ARID1B: variants seen among roughly 807,000 people sequenced by gnomAD.
ARID1B encodes the protein AT-rich interactive domain-containing protein 1B.
In ARID1B, 30 loss-of-function variants were observed where a neutral mutation model predicts 212.3. That is an observed-to-expected ratio of 0.14 (90% CI 0.11 to 0.19). ARID1B has a LOEUF of 0.19. Among genes scored for constraint, ARID1B ranks in the 10% least tolerant of loss-of-function variants. ARID1B has a pLI of 1.00. For synonymous variants in ARID1B, 1,402 were observed against 1,301.7 expected, an observed-to-expected ratio of 1.08 and a Z score of -1.66; for missense variants, 2,891 against 3,204.0, an observed-to-expected ratio of 0.90 and a Z score of 2.36.
chr6:156,962,259 A>G (rs1216485626), intron 4 of ARID1B, among the ~76,000 whole-genome samples: 2 of 152,296 alleles, frequency 1.3e-5, no homozygotes, highest in East Asian at 1.9e-4. Context: ...AGATCACGCC[A>G]CTGCACTCCA....
intron 4 of ARID1B, among the ~76,000 whole-genome samples, chr6:157,062,877 G>A (rs1257822966): frequency 2.0e-5 from 3 of 151,380 alleles, no homozygotes; most frequent in African/African-American, 7.3e-5. Flanking sequence ...CTAATTTTTT[G>A]TATTTTTAGT....
intron 3 of ARID1B, among the ~76,000 whole-genome samples, chr6:156,911,471 C>T (rs978902932): frequency 6.8e-6 from 1 of 148,138 alleles, no homozygotes; most frequent in African/African-American, 2.5e-5. Context: ...ATCTAGCATT[C>T]CTACCCTATA....
chr6:157,151,359 C>T (rs1486861728), intron 8 of ARID1B: 2 of 152,198 alleles, frequency 1.3e-5, no homozygotes, highest in Non-Finnish European at 2.9e-5. Context: ...TGCAGTTGAG[C>T]TGACAGGCTA....
At chr6:156,959,728 A>G (rs1794229851) in intron 4 of ARID1B, among the ~76,000 whole-genome samples, 1 of 152,146 alleles carries the variant, frequency 6.6e-6, no homozygotes, top group Admixed American at 6.5e-5. Context: ...ATATATGACC[A>G]GTTTTAAAAA....
intron 4 of ARID1B, among the ~76,000 whole-genome samples, chr6:156,976,607 A>G (rs1198330105): frequency 6.6e-6 from 1 of 152,058 alleles, no homozygotes; most frequent in Non-Finnish European, 1.5e-5. Flanking sequence ...AGCCCTAGTC[A>G]CCCGAGCCAG....
At chr6:156,913,217 CTTT>C (rs372967890) in intron 3 of ARID1B, among the ~76,000 whole-genome samples, 10 of 128,986 alleles carry the variant, frequency 7.8e-5, no homozygotes, top group African/African-American at 1.5e-4. Context: ...TTTTCTTTTT[CTTT>C]TTTTTTTTTT....
At chr6:156,952,161 G>T (rs1793635506) in intron 4 of ARID1B, among the ~76,000 whole-genome samples, 1 of 152,166 alleles carries the variant, frequency 6.6e-6, no homozygotes, top group Admixed American at 6.5e-5. Flanking sequence ...TTTGTTTTGA[G>T]GGATAGGTGT....
At chr6:157,048,634 CAG>C (rs2128549429) in intron 4 of ARID1B, among the ~76,000 whole-genome samples, 1 of 152,294 alleles carries the variant, frequency 6.6e-6, no homozygotes, top group South Asian at 2.1e-4. Flanking sequence ...CATTGTCTGA[CAG>C]AATTGTGGTT....
intron 3 of ARID1B, among the ~76,000 whole-genome samples, chr6:156,931,338 A>G (rs1243178531): frequency 6.6e-6 from 1 of 152,060 alleles, no homozygotes; most frequent in Non-Finnish European, 1.5e-5. Flanking sequence ...TTCATTTCCT[A>G]ATGAAAGAAA....
At chr6:156,899,275 CCCAAAGATTCTTTG>C (rs1452669938) in intron 2 of ARID1B, among the ~76,000 whole-genome samples, 1 of 152,154 alleles carries the variant, frequency 6.6e-6, no homozygotes, top group Non-Finnish European at 1.5e-5. Context: ...GTATTTCAAA[CCCAAAGATTCTTTG>C]GGTAAACTAG....
chr6:156,793,633 G>A (rs980096155), intron 1 of ARID1B, among the ~76,000 whole-genome samples: 1 of 152,160 alleles, frequency 6.6e-6, no homozygotes, highest in Admixed American at 6.5e-5. Context: ...CACTGGGCCC[G>A]GCCTTGCATG....
intron 5 of ARID1B, 151 bp from the exon 6 acceptor site, chr6:157,110,321 G>A: frequency 1.6e-6 from 1 of 618,812 alleles, no homozygotes; most frequent in Non-Finnish European, 2.9e-6. Context: ...GGGAAAAGAT[G>A]AACTATTACA....
chr6:156,952,477 C>T (rs367859436), intron 4 of ARID1B, among the ~76,000 whole-genome samples: 1 of 152,204 alleles, frequency 6.6e-6, no homozygotes, highest in South Asian at 2.1e-4. Flanking sequence ...GGTGGGGACA[C>T]TGAGGCTGGC....
intron 2 of ARID1B, among the ~76,000 whole-genome samples, chr6:156,853,866 A>T (rs1175566890): frequency 6.6e-6 from 1 of 152,082 alleles, no homozygotes; most frequent in African/African-American, 2.4e-5. Context: ...CCTCCTGAGG[A>T]GCTGGGACCA....
intron 5 of ARID1B, among the ~76,000 whole-genome samples, chr6:157,107,234 G>T (rs906434094): frequency 1.1e-4 from 16 of 152,278 alleles, no homozygotes; most frequent in African/African-American, 3.6e-4. Flanking sequence ...CTACCAGCTG[G>T]AGGAGGCTAA....
At chr6:157,174,317 T>C (rs1452662528) in intron 10 of ARID1B, 200 bp downstream of exon 10, 19 of 516,840 alleles carry the variant, frequency 3.7e-5, no homozygotes, top group Admixed American at 1.4e-4. Context: ...CTAGTTCTTA[T>C]GGCATTAACT....
intron 7 of ARID1B, among the ~76,000 whole-genome samples, chr6:157,138,093 T>C (rs1407198522): frequency 6.6e-6 from 1 of 152,204 alleles, no homozygotes; most frequent in Non-Finnish European, 1.5e-5. Context: ...AAGGTCTAGA[T>C]GTCAAGAGTT....
intron 4 of ARID1B, among the ~76,000 whole-genome samples, chr6:156,983,094 CAAA>C (rs373895831): frequency 9.2e-6 from 1 of 109,232 alleles, no homozygotes; most frequent in African/African-American, 3.5e-5. Flanking sequence ...GACCCTGTCT[CAAA>C]AAAAAAAAAA....
intron 4 of ARID1B, chr6:156,941,086 G>A (rs553786475): frequency 1.4e-3 from 215 of 152,272 alleles, no homozygotes; most frequent in African/African-American, 4.9e-3. Context: ...ATAAGTTAAT[G>A]AAGGAAAACC....
Sources: allele counts gnomAD v4.1 joint callset (sites outside exome capture counted in the v4.1 genomes callset), GRCh38; gene constraint gnomAD v4.1.1; transcripts MANE v1.5; gene names NCBI Gene and HGNC (gene_info 2026-07-23, HGNC 2026-07-21).